The following SLC9A9 variants were observed in gnomAD, a reference collection of about 807,000 sequenced individuals.
SLC9A9 encodes solute carrier family 9 member A9.
SLC9A9 carries 62 observed loss-of-function variants against 77.8 expected under a neutral mutation model. The ratio of observed to expected loss-of-function variants is 0.80; its 90% confidence interval spans 0.65 to 0.98. The LOEUF (loss-of-function observed/expected upper bound fraction) is 0.98, where lower values mean the gene tolerates loss of function less well. Ranked by LOEUF, SLC9A9 falls within the 50% of genes least tolerant of loss-of-function variation. SLC9A9 has a pLI of 0.00. For missense variants in SLC9A9, 775 were observed against 774.9 expected (o/e 1.00, Z 0.00); for synonymous variants, 320 against 283.5 (o/e 1.13, Z -1.29).
intron 3 of SLC9A9, among the ~76,000 whole-genome samples, chr3:143,795,281 G>GGAAA (rs1553794657): frequency 8.3e-5 from 6 of 72,190 alleles, no homozygotes; most frequent in African/African-American, 3.1e-4. Flanking sequence ...TCAAGAAGCA[G>GGAAA]AAAAAAAAAA....
At chr3:143,735,776 G>A (rs534243530) in intron 4 of SLC9A9, among the ~76,000 whole-genome samples, 1 of 152,332 alleles carries the variant, frequency 6.6e-6, no homozygotes, top group South Asian at 2.1e-4. Flanking sequence ...TATAACGTTA[G>A]TGTGTAAGAT....
At chr3:143,441,281 G>A (rs907298364) in intron 12 of SLC9A9, among the ~76,000 whole-genome samples, 9 of 152,100 alleles carry the variant, frequency 5.9e-5, no homozygotes, top group Admixed American at 4.6e-4. Flanking sequence ...GGATATTCTA[G>A]GTACTCTCTG....
At chr3:143,768,650 C>T (rs1184532200) in intron 4 of SLC9A9, among the ~76,000 whole-genome samples, 1 of 152,098 alleles carries the variant, frequency 6.6e-6, no homozygotes, top group African/African-American at 2.4e-5. Context: ...ATGTACAGTG[C>T]TATATGCATA....
At chr3:143,750,954 A>AT (rs1037833149) in intron 4 of SLC9A9, among the ~76,000 whole-genome samples, 12 of 152,064 alleles carry the variant, frequency 7.9e-5, no homozygotes, top group African/African-American at 2.9e-4. Flanking sequence ...ATATTTATGT[A>AT]TTTTTTCTCT....
intron 4 of SLC9A9, among the ~76,000 whole-genome samples, chr3:143,787,843 G>A (rs2008099289): frequency 6.6e-6 from 1 of 150,806 alleles, no homozygotes; most frequent in African/African-American, 2.4e-5. Context: ...AATTATATAA[G>A]AATATATTTA....
intron 14 of SLC9A9, among the ~76,000 whole-genome samples, chr3:143,321,910 C>T (rs1392988023): frequency 6.6e-6 from 1 of 152,146 alleles, no homozygotes; most frequent in East Asian, 1.9e-4. Context: ...TGAATATCCA[C>T]ACAACATCTG....
intron 14 of SLC9A9, among the ~76,000 whole-genome samples, chr3:143,280,542 ATTTTTTT>A (rs58879877): frequency 6.8e-5 from 8 of 118,172 alleles, no homozygotes; most frequent in Non-Finnish European, 1.2e-4. Context: ...CTAGAACTAC[ATTTTTTT>A]TTTTTTTTTT....
Position 143,652,241 on chromosome 3 carries a change from G to A in SLC9A9, c.755+14C>T, listed in dbSNP as rs2038808698. The A allele has an allele frequency of 6.3e-7, 1 of 1,595,168 alleles. No homozygotes were observed. The highest frequency in any genetic ancestry group is 1.3e-5 in the African/African-American group (1 of 74,656). ...ACATGATTAAAGAAACATAGGCCAA[G>A]TTCTGGTACTTACTATGTAAGGACT... On this transcript the variant is annotated intron_variant, in intron 6 of 15. Transcript: ENST00000316549.
chr3:143,336,266 T>G (rs112386083), intron 14 of SLC9A9, among the ~76,000 whole-genome samples: 4,919 of 152,198 alleles, frequency 0.032, 283 homozygotes, highest in African/African-American at 0.11. Context: ...ATGGAGAAAT[T>G]GGAATCTTTG....
intron 2 of SLC9A9, chr3:143,811,777 G>A (rs761835888): frequency 4.9e-5 from 22 of 450,494 alleles, no homozygotes; most frequent in South Asian, 6.2e-5. Context: ...CACGAGAATC[G>A]CATGAACCCG....
intron 4 of SLC9A9, among the ~76,000 whole-genome samples, chr3:143,758,121 G>T (rs964389640): frequency 2.0e-5 from 3 of 152,108 alleles, no homozygotes; most frequent in African/African-American, 7.2e-5. Context: ...CCGTCTTAAT[G>T]ACTATCATTT....
intron 4 of SLC9A9, among the ~76,000 whole-genome samples, chr3:143,772,583 G>C (rs1048604074): frequency 6.6e-6 from 1 of 152,136 alleles, no homozygotes. Flanking sequence ...AGCACAAGCT[G>C]GTCCGGGAAG....
chr3:143,654,931 A>C (rs1337237168), intron 5 of SLC9A9, among the ~76,000 whole-genome samples: 2 of 152,238 alleles, frequency 1.3e-5, no homozygotes, highest in African/African-American at 4.8e-5. Flanking sequence ...AACTGCTCTG[A>C]CATTCCCACA....
chr3:143,438,556 T>C (rs1576497077), intron 12 of SLC9A9, among the ~76,000 whole-genome samples: 1 of 152,288 alleles, frequency 6.6e-6, no homozygotes. Context: ...AGATTCACCA[T>C]CATCTGGGGA....
intron 4 of SLC9A9, among the ~76,000 whole-genome samples, chr3:143,788,709 G>GTAT (rs1491538549): frequency 4.0e-5 from 3 of 74,490 alleles, no homozygotes; most frequent in African/African-American, 6.4e-5. Context: ...AAAAAAAAAA[G>GTAT]ACATCATCTC....
At chr3:143,373,726 G>A (rs2033111301) in intron 13 of SLC9A9, among the ~76,000 whole-genome samples, 1 of 151,100 alleles carries the variant, frequency 6.6e-6, no homozygotes, top group Non-Finnish European at 1.5e-5. Context: ...AGAAGAAAGT[G>A]TCAGTGAACT....
intron 8 of SLC9A9, among the ~76,000 whole-genome samples, chr3:143,553,527 A>G (rs2036928984): frequency 6.6e-6 from 1 of 152,238 alleles, no homozygotes; most frequent in Non-Finnish European, 1.5e-5. Context: ...GAGATATGTG[A>G]ACTGAATACT....
chr3:143,618,060 A>G (rs2038136509), intron 6 of SLC9A9, among the ~76,000 whole-genome samples: 1 of 152,186 alleles, frequency 6.6e-6, no homozygotes, highest in Non-Finnish European at 1.5e-5. Context: ...AGGTAAAGAG[A>G]AAATGGATCC....
intron 12 of SLC9A9, among the ~76,000 whole-genome samples, chr3:143,465,611 A>G (rs1046576665): frequency 6.6e-6 from 1 of 152,220 alleles, no homozygotes; most frequent in Non-Finnish European, 1.5e-5. Flanking sequence ...GGGGACCAGC[A>G]TCCTCTAACT....
Sources: allele counts gnomAD v4.1 joint callset (sites outside exome capture counted in the v4.1 genomes callset), GRCh38; gene constraint gnomAD v4.1.1; transcripts MANE v1.5; gene names NCBI Gene and HGNC (gene_info 2026-07-23, HGNC 2026-07-21).